The following SPATS2L variants were observed in gnomAD, a reference collection of about 807,000 sequenced individuals.
SPATS2L encodes SPATS2-like protein.
Under a neutral mutation model 59.6 loss-of-function variants are expected in SPATS2L, and 30 were observed. The observed-to-expected ratio is 0.50, with a 90% CI of 0.38 to 0.68. The LOEUF is 0.68. Among genes scored for constraint, SPATS2L ranks in the 30% least tolerant of loss-of-function variants. The probability of loss-of-function intolerance (pLI) is 0.00; values close to 1 mark genes in which losing one functional copy is unlikely to be tolerated. For synonymous variants in SPATS2L, 252 were observed against 263.5 expected (o/e 0.96, Z 0.42); for missense variants, 615 against 700.0 (o/e 0.88, Z 1.37).
intron 2 of SPATS2L, among the ~76,000 whole-genome samples, chr2:200,348,647 A>G (rs1412774185): frequency 6.6e-6 from 1 of 152,156 alleles, no homozygotes; most frequent in Admixed American, 6.5e-5. Flanking sequence ...TAGGTCTGAC[A>G]CTAGTACCTC....
At chr2:200,374,719 A>T (rs1286249888) in intron 2 of SPATS2L, among the ~76,000 whole-genome samples, 3 of 152,216 alleles carry the variant, frequency 2.0e-5, no homozygotes, top group African/African-American at 7.2e-5. Context: ...CGAATCGGCC[A>T]AGAATGGGTA....
intron 3 of SPATS2L, among the ~76,000 whole-genome samples, chr2:200,407,907 C>T (rs1378224483): frequency 2.0e-5 from 3 of 152,148 alleles, no homozygotes; most frequent in Non-Finnish European, 4.4e-5. Context: ...TTCTCTCACT[C>T]AACAAATATG....
At chr2:200,311,318 C>T (rs1226410873) in intron 1 of SPATS2L, among the ~76,000 whole-genome samples, 1 of 152,184 alleles carries the variant, frequency 6.6e-6, no homozygotes, top group Non-Finnish European at 1.5e-5. Flanking sequence ...TCAGCTTCTC[C>T]ATTCATCAAC....
chr2:200,442,826 C>G (rs532042931), intron 8 of SPATS2L, among the ~76,000 whole-genome samples: 1 of 152,248 alleles, frequency 6.6e-6, no homozygotes, highest in Admixed American at 6.5e-5. Flanking sequence ...AGTCAACACC[C>G]AAGGAAATAG....
At chr2:200,346,777 G>A (rs897146584) in intron 2 of SPATS2L, among the ~76,000 whole-genome samples, 13 of 152,132 alleles carry the variant, frequency 8.5e-5, no homozygotes, top group African/African-American at 3.1e-4. Context: ...ACCTGTAGAA[G>A]TCCAAGACAT....
intron 2 of SPATS2L, among the ~76,000 whole-genome samples, chr2:200,380,520 T>C (rs771776299): frequency 6.6e-6 from 1 of 152,242 alleles, no homozygotes. Context: ...TCTAAGTGAT[T>C]GGAAGCTTTT....
chr2:200,473,131 A>AGAT (rs1373012113), intron 12 of SPATS2L, 79 bp downstream of exon 12: 1 of 1,359,480 alleles, frequency 7.4e-7, no homozygotes, highest in Non-Finnish European at 9.9e-7. Context: ...AGCAACTACT[A>AGAT]GATTCTGGGC....
intron 8 of SPATS2L, among the ~76,000 whole-genome samples, chr2:200,442,751 T>C (rs1233849907): frequency 6.6e-6 from 1 of 152,202 alleles, no homozygotes; most frequent in Non-Finnish European, 1.5e-5. Flanking sequence ...ATGAGACATC[T>C]TGAGATTTAT....
intron 9 of SPATS2L, among the ~76,000 whole-genome samples, chr2:200,465,847 A>G (rs1036839270): frequency 6.6e-6 from 1 of 152,196 alleles, no homozygotes; most frequent in Non-Finnish European, 1.5e-5. Context: ...CATGGCTAAC[A>G]TGGTGAAACC....
intron 5 of SPATS2L, among the ~76,000 whole-genome samples, chr2:200,418,306 C>T (rs531759952): frequency 5.2e-4 from 79 of 152,258 alleles, no homozygotes; most frequent in African/African-American, 1.8e-3. Flanking sequence ...GGCGCAGTGG[C>T]TTGTGCCTGT....
intron 3 of SPATS2L, among the ~76,000 whole-genome samples, chr2:200,405,471 T>G (rs899886071): frequency 9.9e-5 from 15 of 152,236 alleles, no homozygotes; most frequent in African/African-American, 3.6e-4. Context: ...CTCATGCATA[T>G]TTTTTGCTGG....
intron 10 of SPATS2L, among the ~76,000 whole-genome samples, chr2:200,468,836 C>G (rs981250480): frequency 2.0e-5 from 3 of 152,348 alleles, no homozygotes; most frequent in Non-Finnish European, 4.4e-5. Context: ...ACAAAAATCC[C>G]AGCTTGTTAG....
chr2:200,374,580 C>T (rs2081537125), intron 2 of SPATS2L, among the ~76,000 whole-genome samples: 1 of 152,074 alleles, frequency 6.6e-6, no homozygotes. Context: ...GGGACACACA[C>T]ACACAGGCAC....
intron 6 of SPATS2L, among the ~76,000 whole-genome samples, chr2:200,436,842 C>T (rs2084329546): frequency 6.6e-6 from 1 of 152,080 alleles, no homozygotes; most frequent in South Asian, 2.1e-4. Flanking sequence ...ATGTGATTCC[C>T]AATGTCAAAG....
At chr2:200,378,712 A>T (rs1374235058) in intron 2 of SPATS2L, among the ~76,000 whole-genome samples, 1 of 152,192 alleles carries the variant, frequency 6.6e-6, no homozygotes, top group African/African-American at 2.4e-5. Flanking sequence ...ATGTGCTGTG[A>T]AGAGATGATG....
chr2:200,380,374 A>G (rs572514012), intron 2 of SPATS2L, among the ~76,000 whole-genome samples: 1 of 152,314 alleles, frequency 6.6e-6, no homozygotes, highest in Admixed American at 6.5e-5. Flanking sequence ...CAGCATATAC[A>G]ACAGTGTGCG....
intron 3 of SPATS2L, chr2:200,389,505 A>C (rs2082104671): frequency 2.2e-6 from 1 of 455,386 alleles, no homozygotes. Context: ...TCTTGACCAT[A>C]ACCCCATAAA....
At chr2:200,370,960 T>A (rs1056047599) in intron 2 of SPATS2L, among the ~76,000 whole-genome samples, 18 of 152,168 alleles carry the variant, frequency 1.2e-4, no homozygotes, top group African/African-American at 4.3e-4. Context: ...TTGAGCCAAA[T>A]GTAAACACAT....
chr2:200,476,081 A>G (rs868641788), intron 12 of SPATS2L, among the ~76,000 whole-genome samples: 4 of 152,178 alleles, frequency 2.6e-5, no homozygotes, highest in African/African-American at 7.2e-5. Flanking sequence ...TAAGCACTCA[A>G]TGAGTGTTGG....
Sources: gnomAD v4.1 joint callset for allele counts (sites outside exome capture counted in the v4.1 genomes callset) on GRCh38, gnomAD v4.1.1 for gene constraint, MANE v1.5 for transcripts, NCBI Gene and HGNC (gene_info 2026-07-23, HGNC 2026-07-21) for gene names.